Variants in GPM6A observed in about 807,000 individuals in gnomAD.
GPM6A encodes neuronal membrane glycoprotein M6-a.
Under a neutral mutation model 32.1 loss-of-function variants are expected in GPM6A, and 7 were observed. That is an observed-to-expected ratio of 0.22 (90% CI 0.12 to 0.41). GPM6A has a LOEUF of 0.41. Among genes scored for constraint, GPM6A ranks in the 10% least tolerant of loss-of-function variants. The pLI is 1.00. For missense variants in GPM6A, 235 were observed against 347.2 expected, an observed-to-expected ratio of 0.68 and a Z score of 2.57; for synonymous variants, 130 against 123.4, an observed-to-expected ratio of 1.05 and a Z score of -0.35.
At chr4:175,873,752 C>T (rs986243486) in intron 1 of GPM6A, among the ~76,000 whole-genome samples, 4 of 152,138 alleles carry the variant, frequency 2.6e-5, no homozygotes, top group Non-Finnish European at 5.9e-5. Flanking sequence ...ATCTCTTGGT[C>T]TCCTCACTAT....
intron 1 of GPM6A, among the ~76,000 whole-genome samples, chr4:175,894,430 A>C (rs1737736318): frequency 6.6e-6 from 1 of 152,104 alleles, no homozygotes; most frequent in South Asian, 2.1e-4. Flanking sequence ...AAAATATAAA[A>C]GACTAACTCT....
intron 1 of GPM6A, among the ~76,000 whole-genome samples, chr4:175,752,867 C>T (rs1367659623): frequency 6.6e-6 from 1 of 152,178 alleles, no homozygotes; most frequent in Admixed American, 6.5e-5. Flanking sequence ...TGTGTTAAGG[C>T]TCCATCTGCA....
intron 1 of GPM6A, among the ~76,000 whole-genome samples, chr4:175,885,377 A>G (rs1177582325): frequency 6.6e-6 from 1 of 152,244 alleles, no homozygotes; most frequent in Non-Finnish European, 1.5e-5. Context: ...ATGGGCTGGG[A>G]TGTCTATGAG....
chr4:175,817,629 G>C (rs1408646446), intron 1 of GPM6A, among the ~76,000 whole-genome samples: 4 of 83,266 alleles, frequency 4.8e-5, no homozygotes, highest in African/African-American at 1.3e-4. Context: ...ACCCAAAGGA[G>C]ATGAAATTAG....
At position 175,694,283 on chromosome 4, in the gene GPM6A, A is replaced by G. The variant is rs1744450085; in HGVS notation, c.230+7292T>C. On this transcript the variant is annotated intron_variant, in intron 2 of 6. Transcript: ENST00000393658. ...ACCTCTTTGGAACTGGGTAGTAGGC[A>G]GAGCCTGTAACAGTTTGGAGGGCTC... 5.3e-5 allele frequency among the ~76,000 whole-genome samples: 8 copies of G among 152,356 alleles called. No individual in the cohort carries two copies. In the South Asian group the frequency reaches 1.7e-3, roughly 32 times the overall value.
intron 1 of GPM6A, among the ~76,000 whole-genome samples, chr4:175,937,682 T>C (rs1739283996): frequency 6.6e-6 from 1 of 152,126 alleles, no homozygotes; most frequent in Non-Finnish European, 1.5e-5. Context: ...TGTAAGGATA[T>C]GAAGGAGACT....
chr4:175,714,439 A>G (rs1234409576), intron 1 of GPM6A, among the ~76,000 whole-genome samples: 1 of 151,996 alleles, frequency 6.6e-6, no homozygotes, highest in Non-Finnish European at 1.5e-5. Flanking sequence ...GCTGGAGTGC[A>G]GTGGTGTGAT....
chr4:175,888,589 A>G (rs954889724), intron 1 of GPM6A, among the ~76,000 whole-genome samples: 1 of 152,120 alleles, frequency 6.6e-6, no homozygotes, highest in Non-Finnish European at 1.5e-5. Context: ...GAAAATAAAG[A>G]TAATATGTAA....
At chr4:175,725,668 A>G (rs977583678) in intron 1 of GPM6A, among the ~76,000 whole-genome samples, 17 of 152,216 alleles carry the variant, frequency 1.1e-4, no homozygotes, top group African/African-American at 4.1e-4. Context: ...TTCAAACGTA[A>G]ATGATCAGCC....
At chr4:175,763,357 T>C (rs1363948235) in intron 1 of GPM6A, among the ~76,000 whole-genome samples, 1 of 152,140 alleles carries the variant, frequency 6.6e-6, no homozygotes, top group Non-Finnish European at 1.5e-5. Context: ...TGGATGAACA[T>C]CAATGAACTC....
intron 1 of GPM6A, among the ~76,000 whole-genome samples, chr4:175,852,917 G>T (rs73010129): frequency 0.025 from 3,847 of 152,202 alleles, 149 homozygotes; most frequent in African/African-American, 0.085. Context: ...AATAGATTAT[G>T]TAATGTCCAG....
intron 1 of GPM6A, among the ~76,000 whole-genome samples, chr4:175,801,908 C>T (rs946360205): frequency 3.3e-5 from 5 of 152,012 alleles, no homozygotes; most frequent in African/African-American, 7.2e-5. Context: ...AAATAGTGGT[C>T]GCTCTTGATA....
upstream of GPM6A, chr4:175,812,671 C>T (rs1734976851): frequency 4.0e-6 from 4 of 987,906 alleles, no homozygotes; most frequent in Non-Finnish European, 3.6e-6. Flanking sequence ...TGGAAACAGG[C>T]TGAGCTGTGA....
chr4:175,863,852 T>G (rs1736647302), intron 1 of GPM6A, among the ~76,000 whole-genome samples: 1 of 151,958 alleles, frequency 6.6e-6, no homozygotes, highest in Admixed American at 6.6e-5. Context: ...AAATAAAAAA[T>G]TAGTCAGCTG....
chr4:175,881,124 A>G lies in GPM6A; in HGVS notation c.-22-68875T>C, dbSNP rs1184689478. On this transcript the variant is annotated intron_variant, in intron 1 of 7. Transcript: ENST00000280187. ...CAAAGAGCTAATATCCAGAATCTAC[A>G]AAGAACTCAAACAAATTTACAAGAA... 6.6e-5 allele frequency among the ~76,000 whole-genome samples: 10 copies of G among 152,224 alleles called. 1 individual carries two copies. Among genetic ancestry groups the G allele is most frequent in the Admixed American group, 5.9e-4 (9 of 15,266 alleles).
intron 1 of GPM6A, among the ~76,000 whole-genome samples, chr4:175,870,302 C>T (rs1284956014): frequency 6.6e-6 from 1 of 151,820 alleles, no homozygotes; most frequent in Non-Finnish European, 1.5e-5. Context: ...CCTCAAATAT[C>T]AAACAACAAT....
chr4:175,799,761 G>A (rs1197685127), intron 1 of GPM6A, among the ~76,000 whole-genome samples: 1 of 129,538 alleles, frequency 7.7e-6, no homozygotes, highest in Non-Finnish European at 1.7e-5. Context: ...TGCAAGCTCC[G>A]CCTCCCGGGT....
rs574183641 is a variant in GPM6A, at chr4:175,868,968, C to T, written c.-22-56719G>A. 1.6e-4 allele frequency among the ~76,000 whole-genome samples: 25 copies of T among 152,300 alleles called. No individual in the cohort carries two copies. The South Asian group carries it at 1.9e-3, about 11-fold the overall frequency. On this transcript the variant is annotated intron_variant, in intron 1 of 7. Transcript: ENST00000280187. ...ATTATTGATGACTTGAGTTGGTCTACACTAATTCCTAGGTACCTTTCAGTT... is the reference window on the plus strand; with the variant it reads ...ATTATTGATGACTTGAGTTGGTCTATACTAATTCCTAGGTACCTTTCAGTT...
intron 1 of GPM6A, among the ~76,000 whole-genome samples, chr4:175,995,081 TACC>T (rs1440119052): frequency 6.6e-6 from 1 of 152,222 alleles, no homozygotes; most frequent in East Asian, 1.9e-4. Flanking sequence ...TTGCTATTTC[TACC>T]ACATCTGCAG....
Sources: allele counts gnomAD v4.1 joint callset (sites outside exome capture counted in the v4.1 genomes callset), GRCh38; gene constraint gnomAD v4.1.1; transcripts MANE v1.5; gene names NCBI Gene and HGNC (gene_info 2026-07-23, HGNC 2026-07-21).